The following NALCN variants were observed in gnomAD, a reference collection of about 807,000 sequenced individuals.
NALCN encodes the protein sodium leak channel, non-selective.
NALCN carries 111 observed loss-of-function variants against 225.3 expected under a neutral mutation model. The observed-to-expected ratio is 0.49, with a 90% CI of 0.42 to 0.58. The LOEUF is 0.58. Ranked by LOEUF, NALCN falls within the 20% of genes least tolerant of loss-of-function variation. NALCN has a pLI of 0.00. For missense variants in NALCN, 1,378 were observed against 2,202.4 expected (o/e 0.63, Z 7.49); for synonymous variants, 764 against 769.0 (o/e 0.99, Z 0.11).
intron 6 of NALCN, among the ~76,000 whole-genome samples, chr13:101,369,331 G>A (rs78795425): frequency 0.036 from 5,430 of 152,102 alleles, 128 homozygotes; most frequent in Admixed American, 0.069. Flanking sequence ...TCATTTTTAG[G>A]ATAAAGTAAT....
At chr13:101,340,482 T>C (rs2045523161) in intron 7 of NALCN, among the ~76,000 whole-genome samples, 1 of 152,202 alleles carries the variant, frequency 6.6e-6, no homozygotes, top group Non-Finnish European at 1.5e-5. Flanking sequence ...TGCCCGTGCA[T>C]CCCAATTTCT....
chr13:101,134,703 T>C (rs913897088), intron 17 of NALCN, among the ~76,000 whole-genome samples: 1 of 152,116 alleles, frequency 6.6e-6, no homozygotes, highest in Non-Finnish European at 1.5e-5. Flanking sequence ...ATTTAAAACT[T>C]AATGGATCTG....
chr13:101,124,359 C>G (rs1449089868), intron 18 of NALCN, among the ~76,000 whole-genome samples: 1 of 151,930 alleles, frequency 6.6e-6, no homozygotes, highest in Non-Finnish European at 1.5e-5. Flanking sequence ...ACCTTTTGGT[C>G]AATGTTTATA....
chr13:101,324,621 A>T (rs1210737380), intron 7 of NALCN, among the ~76,000 whole-genome samples: 1 of 152,118 alleles, frequency 6.6e-6, no homozygotes, highest in Admixed American at 6.5e-5. Context: ...TTGCACATTG[A>T]TTTTGTATCC....
At chr13:101,115,573 AAGG>A (rs2035667840) in intron 18 of NALCN, among the ~76,000 whole-genome samples, 1 of 152,210 alleles carries the variant, frequency 6.6e-6, no homozygotes, top group Admixed American at 6.5e-5. Flanking sequence ...ACCTACCCAG[AAGG>A]AGAAGAACTT....
chr13:101,395,697 A>ACC (rs1311363584), intron 2 of NALCN, among the ~76,000 whole-genome samples: 2 of 152,218 alleles, frequency 1.3e-5, no homozygotes, highest in South Asian at 4.1e-4. Flanking sequence ...CCTGGGCATC[A>ACC]GACTACAATA....
intron 7 of NALCN, among the ~76,000 whole-genome samples, chr13:101,296,442 C>A (rs1370994452): frequency 6.6e-6 from 1 of 152,148 alleles, no homozygotes; most frequent in African/African-American, 2.4e-5. Context: ...AACACCTGCA[C>A]ACTCATATAT....
chr13:101,327,384 T>TGGG (rs5806209), intron 7 of NALCN, among the ~76,000 whole-genome samples: 127 of 151,574 alleles, frequency 8.4e-4, no homozygotes, highest in Middle Eastern at 3.4e-3. Context: ...GCTAAAACAT[T>TGGG]GGGGGGGATG....
At chr13:101,282,952 C>A (rs1295402887) in intron 10 of NALCN, among the ~76,000 whole-genome samples, 2 of 151,928 alleles carry the variant, frequency 1.3e-5, no homozygotes, top group African/African-American at 4.8e-5. Flanking sequence ...GGAGAAAGAC[C>A]CAAAAGAAAG....
At chr13:101,385,993 A>C (rs2046976846) in intron 3 of NALCN, among the ~76,000 whole-genome samples, 1 of 152,132 alleles carries the variant, frequency 6.6e-6, no homozygotes, top group Non-Finnish European at 1.5e-5. Context: ...AATTGATGAT[A>C]TCAACAATTC....
At chr13:101,328,407 G>A (rs1389988903) in intron 7 of NALCN, among the ~76,000 whole-genome samples, 1 of 152,022 alleles carries the variant, frequency 6.6e-6, no homozygotes, top group Non-Finnish European at 1.5e-5. Flanking sequence ...TGCTTCCCAG[G>A]CTTAAGCCAT....
At chr13:101,191,306 T>G (rs542861386) in intron 14 of NALCN, among the ~76,000 whole-genome samples, 4 of 152,160 alleles carry the variant, frequency 2.6e-5, no homozygotes, top group African/African-American at 9.6e-5. Context: ...TTGTTTTTAA[T>G]GGAAGTATAT....
intron 17 of NALCN, among the ~76,000 whole-genome samples, chr13:101,141,587 A>C (rs1298874749): frequency 1.3e-5 from 2 of 151,926 alleles, no homozygotes. Context: ...GGGAGAGGTA[A>C]ACGGGAGTAG....
chr13:101,055,242 C>CATT lies in NALCN; in HGVS notation c.*50_*52dup. On this transcript the variant is annotated 3_prime_UTR_variant, in exon 44 of 44. Transcript: ENST00000251127. ...AGATTGCTCACTGGACAATCAAGGA[C>CATT]ATTATTAGAAAACGGTTTCCACCAC... 3 of 1,412,684 alleles carry CATT rather than the reference C, an allele frequency of 2.1e-6. No individual in the cohort carries two copies. Among genetic ancestry groups the CATT allele is most frequent in the South Asian group, 2.5e-5 (2 of 80,350 alleles). 87.5% of individuals were successfully genotyped at this position (1,412,684 alleles called of 1,614,324 possible). A position where few individuals can be genotyped will look rare whatever the true frequency, so the allele number is the denominator to read the frequency against.
chr13:101,410,528 T>C (rs1396539900), intron 1 of NALCN, among the ~76,000 whole-genome samples: 1 of 152,248 alleles, frequency 6.6e-6, no homozygotes, highest in African/African-American at 2.4e-5. Flanking sequence ...CTAACTTGCA[T>C]TGTATACAGG....
chr13:101,098,356 C>T (rs2034627716), intron 27 of NALCN, among the ~76,000 whole-genome samples: 9 of 152,168 alleles, frequency 5.9e-5, no homozygotes, highest in Admixed American at 5.9e-4. Flanking sequence ...AAGCAAGGAC[C>T]TCCTAATGTT....
Position 101,399,631 on chromosome 13 carries a change from G to T in NALCN, c.-39-466C>A, listed in dbSNP as rs182424902. On this transcript the variant is annotated intron_variant, in intron 1 of 43. Coordinates refer to ENST00000251127, the MANE Select transcript of NALCN (RefSeq NM_052867.4). The stretch of plus-strand genomic sequence containing the variant: ...CAGACGTCTCTTACTTCCAACAGTA[G>T]CCCCAAGTTGATCTCCCAACTTGGG... Among the ~76,000 whole-genome samples, 7 of 152,214 alleles carry T rather than the reference G, an allele frequency of 4.6e-5. No homozygotes were observed. In the East Asian group the frequency reaches 1.4e-3, roughly 29 times the overall value.
chr13:101,075,019 G>C (rs1266604772), intron 35 of NALCN, among the ~76,000 whole-genome samples: 3 of 151,886 alleles, frequency 2.0e-5, no homozygotes, highest in Non-Finnish European at 2.9e-5. Flanking sequence ...ACACATTTTT[G>C]ACTGACAGCA....
At chr13:101,163,999 CTG>C (rs2038317400) in intron 15 of NALCN, among the ~76,000 whole-genome samples, 3 of 152,110 alleles carry the variant, frequency 2.0e-5, no homozygotes, top group South Asian at 2.1e-4. Flanking sequence ...AGTGCTCTCT[CTG>C]TGTGTCTGTG....
Sources: allele counts gnomAD v4.1 joint callset (sites outside exome capture counted in the v4.1 genomes callset), GRCh38; gene constraint gnomAD v4.1.1; transcripts MANE v1.5; gene names NCBI Gene and HGNC (gene_info 2026-07-23, HGNC 2026-07-21).